Variants in RSF1 observed in about 807,000 individuals in gnomAD.
RSF1 encodes HBV pX-associated protein 8.
Under a neutral mutation model 145.2 loss-of-function variants are expected in RSF1, and 13 were observed. The ratio of observed to expected loss-of-function variants is 0.09; its 90% CI spans 0.06 to 0.14. RSF1 has a LOEUF of 0.14. Ranked by LOEUF, RSF1 falls within the 10% of genes least tolerant of loss-of-function variation. RSF1 has a pLI of 1.00. For synonymous variants in RSF1, 577 were observed against 592.6 expected (o/e 0.97, Z 0.38); for missense variants, 1,517 against 1,718.2 (o/e 0.88, Z 2.07).
chr11:77,818,399 C>T (rs1394589739), intron 1 of RSF1, among the ~76,000 whole-genome samples: 2 of 152,160 alleles, frequency 1.3e-5, no homozygotes, highest in African/African-American at 2.4e-5. Context: ...GCCCACAGTT[C>T]GTTCTCTGAG....
intron 5 of RSF1, among the ~76,000 whole-genome samples, chr11:77,715,871 G>C (rs1390783704): frequency 6.6e-6 from 1 of 152,188 alleles, no homozygotes; most frequent in Non-Finnish European, 1.5e-5. Context: ...CAACATGCTG[G>C]GCTCAAGCCT....
chr11:77,720,303 A>C (rs992966698), intron 5 of RSF1, among the ~76,000 whole-genome samples: 5 of 152,234 alleles, frequency 3.3e-5, no homozygotes, highest in Non-Finnish European at 7.3e-5. Context: ...TCTTTCAATT[A>C]GTAGAATTAA....
At chr11:77,704,328 CAAACA>C (rs1207727102) in intron 5 of RSF1, among the ~76,000 whole-genome samples, 1 of 152,002 alleles carries the variant, frequency 6.6e-6, no homozygotes, top group Non-Finnish European at 1.5e-5. Flanking sequence ...TAGAAACAAA[CAAACA>C]AAACAAAAAA....
chr11:77,753,665 T>C (rs1948086868), intron 2 of RSF1, among the ~76,000 whole-genome samples: 1 of 152,226 alleles, frequency 6.6e-6, no homozygotes, highest in Non-Finnish European at 1.5e-5. Context: ...CTTCTTCCAA[T>C]GTGGCCCACA....
chr11:77,789,955 G>C (rs1299526685), intron 1 of RSF1, among the ~76,000 whole-genome samples: 1 of 152,190 alleles, frequency 6.6e-6, no homozygotes, highest in Non-Finnish European at 1.5e-5. Flanking sequence ...TGCAGGCCTT[G>C]GGAGTGGCTG....
intron 1 of RSF1, among the ~76,000 whole-genome samples, chr11:77,803,764 T>C (rs1948649995): frequency 2.6e-5 from 4 of 151,300 alleles, no homozygotes; most frequent in Admixed American, 2.0e-4. Context: ...TGCAACAGGG[T>C]GAGACTTCAT....
intron 7 of RSF1, among the ~76,000 whole-genome samples, chr11:77,694,492 G>A (rs1344488170): frequency 6.6e-6 from 1 of 152,080 alleles, no homozygotes. Flanking sequence ...GAGGACCAAG[G>A]TCTAAAACTA....
At chr11:77,703,809 A>AAT (rs56809432) in intron 5 of RSF1, among the ~76,000 whole-genome samples, 27,492 of 152,070 alleles carry the variant, frequency 0.18, 3,153 homozygotes, top group African/African-American at 0.31. Context: ...CAAAATATAA[A>AAT]AGTCCTACAG....
the RSF1 span, among the ~76,000 whole-genome samples, chr11:77,841,527 G>A: frequency 6.6e-6 from 1 of 152,304 alleles, no homozygotes; most frequent in South Asian, 2.1e-4. Flanking sequence ...GTGTACAGGG[G>A]AGTGCGTTCA....
rs201727295 is a variant in RSF1, at chr11:77,676,957, C to T, written c.3176G>A (p.Arg1059His). The T allele has an allele frequency of 3.7e-5, 60 of 1,600,892 alleles. No individual in the cohort carries two copies. The highest frequency in any genetic ancestry group is 1.8e-4 in the East Asian group (8 of 43,884). Residue 1059 changes from arginine (R) to histidine (H), a missense_variant, in exon 13 of 16, where the codon CGT becomes CAT. Physicochemically the swap from Arg to His is conservative, Grantham distance 29. Transcript: ENST00000308488. ...GKDISTITGH[R>H]GKDISTILDE... ...CAAAATAGTAGAGATGTCTTTCCCA[C>T]GATGACCTGTGATGGTGGAGATATC...
chr11:77,808,436 T>C (rs774819863), intron 1 of RSF1, among the ~76,000 whole-genome samples: 27 of 151,974 alleles, frequency 1.8e-4, no homozygotes, highest in Non-Finnish European at 3.4e-4. Context: ...CTGGTTAAGA[T>C]TCATGTTCAA....
chr11:77,713,388 T>G (rs1271678820), intron 5 of RSF1, among the ~76,000 whole-genome samples: 1 of 152,146 alleles, frequency 6.6e-6, no homozygotes, highest in African/African-American at 2.4e-5. Context: ...TCTTCTGGAA[T>G]AAAGCACTGA....
At chr11:77,752,449 A>C (rs1948073070) in intron 2 of RSF1, among the ~76,000 whole-genome samples, 1 of 152,192 alleles carries the variant, frequency 6.6e-6, no homozygotes, top group South Asian at 2.1e-4. Flanking sequence ...ACCTATTCTT[A>C]ACTGTTTTTT....
chr11:77,735,865 G>A (rs368099725), intron 4 of RSF1, among the ~76,000 whole-genome samples: 1 of 152,100 alleles, frequency 6.6e-6, no homozygotes, highest in African/African-American at 2.4e-5. Context: ...TCAGCCTTCC[G>A]AGTAGCTGGG....
chr11:77,663,088 T>A lies in RSF1; in HGVS notation c.*3829A>T, dbSNP rs1164750178. 6.6e-6 allele frequency: 1 copy of A among 152,234 alleles called. No individual in the cohort carries two copies. The highest frequency in any genetic ancestry group is 1.5e-5 in the Non-Finnish European group (1 of 68,028). 9.4% of individuals were successfully genotyped at this position (152,234 alleles called of 1,614,324 possible). ...TCTTTGAATAGTTGTTCTATAGCTG[T>A]GAGGCATCACCTTGAATAACGGGCC... On this transcript the variant is annotated 3_prime_UTR_variant, in exon 16 of 16. Transcript: ENST00000308488.
Position 77,666,872 on chromosome 11 carries a change from G to C in RSF1, c.*45C>G. ...CTTTTAATAACTGGCCCGCTGGTGT[G>C]AGAGCTACCGTGGAATAAATTAGCA... On this transcript the variant is annotated 3_prime_UTR_variant, in exon 16 of 16. Transcript: ENST00000308488. 3 of 1,444,864 alleles carry C rather than the reference G, an allele frequency of 2.1e-6. No individual in the cohort carries two copies. The highest frequency in any genetic ancestry group is 2.8e-6 in the Non-Finnish European group (3 of 1,076,038). The allele number at this position is 1,444,864 out of a possible 1,614,324, so 89.5% of individuals were successfully genotyped here. A position where few individuals can be genotyped will look rare whatever the true frequency, so the allele number is the denominator to read the frequency against.
At chr11:77,812,245 C>A (rs1287486043) in intron 1 of RSF1, among the ~76,000 whole-genome samples, 2 of 152,006 alleles carry the variant, frequency 1.3e-5, no homozygotes, top group Non-Finnish European at 2.9e-5. Flanking sequence ...CTTTAGAAAT[C>A]TAGTTTTAAA....
At position 77,663,712 on chromosome 11, in the gene RSF1, A is replaced by G. The variant is rs1959289550; in HGVS notation, c.*3205T>C. 1 of 152,206 alleles carries G rather than the reference A, an allele frequency of 6.6e-6. No individual in the cohort carries two copies. The highest frequency in any genetic ancestry group is 6.5e-5 in the Admixed American group (1 of 15,268). 9.4% of individuals were successfully genotyped at this position (152,206 alleles called of 1,614,324 possible). The stretch of plus-strand genomic sequence containing the variant: ...AATGTTTTACACTAATTTCATCAGC[A>G]CTGATGTACAAAACCAAAACGTTTT... On this transcript the variant is annotated 3_prime_UTR_variant, in exon 16 of 16. Coordinates refer to ENST00000308488, the MANE Select transcript of RSF1 (RefSeq NM_016578.4).
At position 77,667,576 on chromosome 11, in the gene RSF1, C is replaced by T. The variant is rs1252139902; in HGVS notation, c.3752-85G>A. On this transcript the variant is annotated intron_variant, in intron 15 of 15. Coordinates refer to ENST00000308488, the MANE Select transcript of RSF1 (RefSeq NM_016578.4). ...CCTTTTCCTCCCGATATTCACCCCA[C>T]GTCCTGCTTTCAGAATTGCTTGTAC... The T allele has an allele frequency of 7.3e-6, 9 of 1,224,554 alleles. No individual in the cohort carries two copies. In the East Asian group the frequency reaches 9.4e-5, roughly 13 times the overall value. The allele number at this position is 1,224,554 out of a possible 1,614,324, so 75.9% of individuals were successfully genotyped here. A position where few individuals can be genotyped will look rare whatever the true frequency, so the allele number is the denominator to read the frequency against.
Sources: allele counts gnomAD v4.1 joint callset (sites outside exome capture counted in the v4.1 genomes callset), GRCh38; gene constraint gnomAD v4.1.1; transcripts MANE v1.5; gene names NCBI Gene and HGNC (gene_info 2026-07-23, HGNC 2026-07-21).